The following PTPRG variants were observed in gnomAD, a reference collection of about 807,000 sequenced individuals.
The protein encoded by PTPRG is protein tyrosine phosphatase receptor type G.
A neutral mutation model predicts 165.3 loss-of-function variants in PTPRG; 102 were observed. That is an observed-to-expected ratio of 0.62 (90% CI 0.53 to 0.73). The LOEUF (loss-of-function observed/expected upper bound fraction) is 0.73. Ranked by LOEUF, PTPRG falls within the 30% of genes least tolerant of loss-of-function variation. PTPRG has a pLI of 0.00. For synonymous variants in PTPRG, 675 were observed against 669.5 expected, an observed-to-expected ratio of 1.01 and a Z score of -0.13; for missense variants, 1,866 against 1,861.4, an observed-to-expected ratio of 1.00 and a Z score of -0.05.
intron 4 of PTPRG, among the ~76,000 whole-genome samples, chr3:62,060,021 G>C (rs545203301): frequency 1.3e-5 from 2 of 151,916 alleles, no homozygotes; most frequent in Non-Finnish European, 2.9e-5. Flanking sequence ...TTTATTAGCA[G>C]CATGAAGACA....
chr3:61,887,162 A>ATATATATATATT (rs2038071871), intron 2 of PTPRG, among the ~76,000 whole-genome samples: 1 of 89,204 alleles, frequency 1.1e-5, no homozygotes, highest in Non-Finnish European at 2.6e-5. Flanking sequence ...ATATATATAT[A>ATATATATATATT]TATATATATT....
chr3:62,065,315 T>A lies in PTPRG; in HGVS notation c.520-12848T>A, dbSNP rs575612539. On this transcript the variant is annotated intron_variant, in intron 4 of 29. Transcript: ENST00000474889. ...TCTAGCTTGTGGAGCCCTTGAAGAT[T>A]CCAGGGAAGTCCATGGTTGTGTACC... Among the ~76,000 whole-genome samples, 5 of 152,252 alleles carry A rather than the reference T, an allele frequency of 3.3e-5. No homozygotes were observed. In the South Asian group the frequency reaches 8.3e-4, roughly 25 times the overall value.
At chr3:62,122,039 G>C (rs1284443482) in intron 5 of PTPRG, among the ~76,000 whole-genome samples, 1 of 152,078 alleles carries the variant, frequency 6.6e-6, no homozygotes, top group Non-Finnish European at 1.5e-5. Context: ...CCTCGAGATG[G>C]GGCTGGATTT....
chr3:62,194,768 A>T (rs986961673), intron 9 of PTPRG, among the ~76,000 whole-genome samples: 3 of 151,962 alleles, frequency 2.0e-5, no homozygotes, highest in African/African-American at 7.3e-5. Flanking sequence ...TTGCCATTGA[A>T]CTCCAGCCTA....
At position 62,254,723 on chromosome 3, in the gene PTPRG, G is replaced by T. The variant is rs563191546; in HGVS notation, c.2468-401G>T. Among the ~76,000 whole-genome samples the T allele has an allele frequency of 2.4e-4, 36 of 151,792 alleles. No individual in the cohort carries two copies. In the South Asian group the frequency reaches 2.5e-3, roughly 11 times the overall value. On this transcript the variant is annotated intron_variant, in intron 15 of 29. Coordinates refer to ENST00000474889, the MANE Select transcript of PTPRG (RefSeq NM_002841.4). The surrounding 1 kb of genome is among the most constrained non-coding windows in gnomAD (Gnocchi z 4.6). ...AGTTCAAGCTGGACTCCATTGAACA[G>T]CAATTAAAAAAAAACAACAACAACA... is the stretch of plus-strand genomic sequence containing the variant.
intron 15 of PTPRG, among the ~76,000 whole-genome samples, chr3:62,248,462 T>G (rs1255178785): frequency 6.6e-6 from 1 of 152,186 alleles, no homozygotes; most frequent in Non-Finnish European, 1.5e-5. Flanking sequence ...ATGCTTTCCA[T>G]CTTCTAAAAT....
intron 4 of PTPRG, among the ~76,000 whole-genome samples, chr3:62,021,164 A>G (rs2041680598): frequency 6.6e-6 from 1 of 152,242 alleles, no homozygotes. Context: ...TGTAATACTT[A>G]GAAACGTATA....
At chr3:61,911,734 C>T (rs866750596) in intron 2 of PTPRG, among the ~76,000 whole-genome samples, 1 of 151,796 alleles carries the variant, frequency 6.6e-6, no homozygotes, top group African/African-American at 2.4e-5. Flanking sequence ...CTTTTTTCCC[C>T]AAGTTACTTC....
At chr3:62,035,332 T>C (rs1324250298) in intron 4 of PTPRG, among the ~76,000 whole-genome samples, 1 of 152,164 alleles carries the variant, frequency 6.6e-6, no homozygotes, top group East Asian at 1.9e-4. Context: ...ATCAGAAAGG[T>C]TGCAGTTCAA....
chr3:62,203,077 G>A lies in PTPRG; in HGVS notation c.1378-96G>A, dbSNP rs1025464493. ...TAGATGAGTAAAATCCTCAGAGGGT[G>A]ACAACCAGGGCCTCATTCCCAATCT... On this transcript the variant is annotated intron_variant, in intron 11 of 29. Transcript: ENST00000474889. The surrounding 1 kb of genome is among the most constrained non-coding windows in gnomAD (Gnocchi z 6.4). 6.6e-6 allele frequency: 10 copies of A among 1,505,498 alleles called. No individual in the cohort carries two copies. Among genetic ancestry groups the A allele is most frequent in the Admixed American group, 2.3e-5 (1 of 42,910 alleles). The allele number at this position is 1,505,498 out of a possible 1,614,324, so 93.3% of individuals were successfully genotyped here.
intron 1 of PTPRG, among the ~76,000 whole-genome samples, chr3:61,585,982 A>G (rs1700425097): frequency 6.6e-6 from 1 of 152,208 alleles, no homozygotes; most frequent in African/African-American, 2.4e-5. Flanking sequence ...ACAGTGGAAT[A>G]TGAAAAGACA....
chr3:61,945,330 T>C (rs55657445), intron 2 of PTPRG, among the ~76,000 whole-genome samples: 29,183 of 151,842 alleles, frequency 0.19, 3,048 homozygotes, highest in African/African-American at 0.28. Context: ...GAGGCCAAGG[T>C]GGGCGGATCA....
chr3:62,081,535 A>C (rs558371508), intron 5 of PTPRG, among the ~76,000 whole-genome samples: 1 of 152,110 alleles, frequency 6.6e-6, no homozygotes, highest in East Asian at 2.0e-4. Context: ...TGTAGAGACA[A>C]GGTCTTGCTT....
intron 23 of PTPRG, among the ~76,000 whole-genome samples, chr3:62,274,548 A>T (rs1702173140): frequency 6.6e-6 from 1 of 152,148 alleles, no homozygotes; most frequent in African/African-American, 2.4e-5. Context: ...TCTATTTTGC[A>T]CATTGTTCTG....
intron 4 of PTPRG, among the ~76,000 whole-genome samples, chr3:62,022,763 A>G (rs1435446902): frequency 6.6e-6 from 1 of 152,200 alleles, no homozygotes; most frequent in Admixed American, 6.5e-5. Flanking sequence ...GCTTAAGATA[A>G]CAAACCTACT....
At chr3:61,873,076 A>G (rs2037627490) in intron 2 of PTPRG, among the ~76,000 whole-genome samples, 3 of 152,086 alleles carry the variant, frequency 2.0e-5, no homozygotes, top group Non-Finnish European at 2.9e-5. Flanking sequence ...TGGTAGAACC[A>G]TTTTGGGGAG....
chr3:62,228,586 G>A lies in PTPRG; in HGVS notation c.2289-2639G>A, dbSNP rs560513093. On this transcript the variant is annotated intron_variant, in intron 13 of 29. Coordinates refer to ENST00000474889, the MANE Select transcript of PTPRG (RefSeq NM_002841.4). The surrounding 1 kb of genome is among the most constrained non-coding windows in gnomAD (Gnocchi z 4.1). ...GCTCCAGGCAGAGGTCGCTGTGTAG[G>A]AGATGACCCAGAAGCACTGGATCAT... Among the ~76,000 whole-genome samples the A allele has an allele frequency of 2.0e-5, 3 of 152,144 alleles. No individual in the cohort carries two copies. The highest frequency in any genetic ancestry group is 3.9e-4 in the East Asian group (2 of 5,170).
intron 14 of PTPRG, among the ~76,000 whole-genome samples, chr3:62,243,174 C>T (rs1701204198): frequency 6.6e-6 from 1 of 151,948 alleles, no homozygotes; most frequent in African/African-American, 2.4e-5. Context: ...CCAGTGTGTG[C>T]TCTCTGCTTT....
At chr3:61,577,627 A>G (rs998198543) in intron 1 of PTPRG, among the ~76,000 whole-genome samples, 3 of 152,228 alleles carry the variant, frequency 2.0e-5, no homozygotes, top group Admixed American at 6.5e-5. Flanking sequence ...TTACTGTTTC[A>G]TGTGACTACC....
Sources: allele counts gnomAD v4.1 joint callset (sites outside exome capture counted in the v4.1 genomes callset), GRCh38; gene constraint gnomAD v4.1.1; non-coding constraint Gnocchi (gnomAD v3.1); transcripts MANE v1.5; gene names NCBI Gene and HGNC (gene_info 2026-07-23, HGNC 2026-07-21).